Variants in PHACTR4 observed in about 807,000 individuals in gnomAD.
The protein encoded by PHACTR4 is protein phosphatase 1, regulatory subunit 124.
Under a neutral mutation model 72.7 loss-of-function variants are expected in PHACTR4, and 51 were observed. The ratio of observed to expected loss-of-function variants is 0.70; its 90% CI spans 0.56 to 0.89. PHACTR4 has a LOEUF of 0.89. Ranked by LOEUF, PHACTR4 falls within the 40% of genes least tolerant of loss-of-function variation. The pLI is 0.00. For synonymous variants in PHACTR4, 255 were observed against 302.5 expected, an observed-to-expected ratio of 0.84 and a Z score of 1.63; for missense variants, 731 against 861.8, an observed-to-expected ratio of 0.85 and a Z score of 1.90.
intron 2 of PHACTR4, among the ~76,000 whole-genome samples, chr1:28,418,315 A>G (rs192764365): frequency 6.7e-6 from 1 of 149,492 alleles, no homozygotes; most frequent in African/African-American, 2.5e-5. Flanking sequence ...ATACAAAAAA[A>G]AAAAATAATA....
chr1:28,481,875 G>A (rs564102172), intron 9 of PHACTR4, among the ~76,000 whole-genome samples: 6 of 151,906 alleles, frequency 3.9e-5, no homozygotes, highest in Admixed American at 2.6e-4. Context: ...AATTGAAGAT[G>A]TAGCTGCCTG....
At chr1:28,395,276 A>G (rs1382753576) in intron 1 of PHACTR4, among the ~76,000 whole-genome samples, 1 of 152,148 alleles carries the variant, frequency 6.6e-6, no homozygotes, top group Non-Finnish European at 1.5e-5. Flanking sequence ...TAACGATGCC[A>G]GAAATATATA....
chr1:28,384,543 T>A (rs1355874363), intron 1 of PHACTR4, among the ~76,000 whole-genome samples: 2 of 152,186 alleles, frequency 1.3e-5, no homozygotes, highest in African/African-American at 4.8e-5. Flanking sequence ...TATATTTGAA[T>A]CTTCTCTCTT....
intron 2 of PHACTR4, chr1:28,454,084 T>A (rs1395147939): frequency 3.5e-6 from 1 of 286,060 alleles, no homozygotes; most frequent in Non-Finnish European, 6.7e-6. Context: ...ATTAGCCAGG[T>A]GTAGTGGCAC....
chr1:28,442,193 G>A (rs992195993), intron 2 of PHACTR4, among the ~76,000 whole-genome samples: 1 of 151,566 alleles, frequency 6.6e-6, no homozygotes, highest in Non-Finnish European at 1.5e-5. Flanking sequence ...TTGGCTGGGC[G>A]CAGTGTCTCA....
intron 2 of PHACTR4, among the ~76,000 whole-genome samples, chr1:28,444,615 T>TTTA (rs1309858659): frequency 6.6e-6 from 1 of 150,592 alleles, no homozygotes; most frequent in Non-Finnish European, 1.5e-5. Flanking sequence ...TTTTTTTATT[T>TTTA]TTATTATTAT....
chr1:28,387,111 A>G (rs1652616472), intron 1 of PHACTR4, among the ~76,000 whole-genome samples: 1 of 152,066 alleles, frequency 6.6e-6, no homozygotes, highest in Admixed American at 6.6e-5. Context: ...AAATACAAAA[A>G]TTAGCTGGGC....
At chr1:28,400,996 TC>T (rs1653905079) in intron 1 of PHACTR4, among the ~76,000 whole-genome samples, 1 of 152,170 alleles carries the variant, frequency 6.6e-6, no homozygotes. Flanking sequence ...TGTCTGGAGT[TC>T]TGGTTTTTTC....
At chr1:28,400,897 GA>G (rs1450675847) in intron 1 of PHACTR4, among the ~76,000 whole-genome samples, 1 of 152,100 alleles carries the variant, frequency 6.6e-6, no homozygotes, top group Non-Finnish European at 1.5e-5. Context: ...AGGGTTTTAA[GA>G]AGGCAAAGAT....
chr1:28,481,971 T>C (rs1660315030), intron 9 of PHACTR4, among the ~76,000 whole-genome samples: 1 of 151,918 alleles, frequency 6.6e-6, no homozygotes, highest in Admixed American at 6.6e-5. Context: ...AATCTCGGCT[T>C]ACTGCAACCT....
chr1:28,418,184 G>A (rs547452070), intron 2 of PHACTR4, among the ~76,000 whole-genome samples: 56 of 151,966 alleles, frequency 3.7e-4, no homozygotes, highest in African/African-American at 1.3e-3. Context: ...ACATTTGTCC[G>A]GCTGGGTGTG....
intron 2 of PHACTR4, among the ~76,000 whole-genome samples, chr1:28,419,356 A>C (rs1655349849): frequency 6.6e-6 from 1 of 152,100 alleles, no homozygotes; most frequent in South Asian, 2.1e-4. Flanking sequence ...GATTTATTGC[A>C]ATATCTAAGG....
intron 1 of PHACTR4, among the ~76,000 whole-genome samples, chr1:28,406,558 G>C (rs11809444): frequency 6.6e-6 from 1 of 152,038 alleles, no homozygotes. Flanking sequence ...TTGCTAGTAC[G>C]AGTAGCCCAT....
rs995110188 is a variant in PHACTR4, at chr1:28,370,623, A to C, written c.-39+798A>C. ...CACTGATTGCTTGCAAAAAAAAAAA[A>C]CCCTCCAGTGCTTCATTCGGACACT... On this transcript the variant is annotated intron_variant, in intron 1 of 13. Coordinates refer to ENST00000373839, the MANE Select transcript of PHACTR4 (RefSeq NM_001048183.3). Among the ~76,000 whole-genome samples the C allele has an allele frequency of 1.3e-5, 2 of 151,122 alleles. 1 individual carries two copies. Among genetic ancestry groups the C allele is most frequent in the Admixed American group, 1.3e-4 (2 of 15,146 alleles).
intron 13 of PHACTR4, among the ~76,000 whole-genome samples, chr1:28,496,074 TGA>T: frequency 7.1e-6 from 1 of 139,924 alleles, no homozygotes; most frequent in East Asian, 2.0e-4. Context: ...TTTTTTTTTT[TGA>T]GACGGAGTCT....
At chr1:28,381,304 T>TC (rs990586452) in intron 1 of PHACTR4, among the ~76,000 whole-genome samples, 1 of 38,066 alleles carries the variant, frequency 2.6e-5, no homozygotes, top group African/African-American at 2.2e-4. Context: ...CGCCTGGCCT[T>TC]TTTTTTTTTT....
chr1:28,470,058 CAA>C (rs138242663), intron 6 of PHACTR4, among the ~76,000 whole-genome samples: 10 of 139,204 alleles, frequency 7.2e-5, no homozygotes, highest in African/African-American at 1.6e-4. Context: ...GACTCTGTCT[CAA>C]AAAAAAAAAA....
At chr1:28,419,847 G>A (rs1018787782) in intron 2 of PHACTR4, among the ~76,000 whole-genome samples, 1 of 152,116 alleles carries the variant, frequency 6.6e-6, no homozygotes, top group African/African-American at 2.4e-5. Context: ...AGTAAAACTT[G>A]TTAGATAAAG....
intron 1 of PHACTR4, among the ~76,000 whole-genome samples, chr1:28,379,035 C>G (rs1651925327): frequency 6.6e-6 from 1 of 152,126 alleles, no homozygotes; most frequent in Non-Finnish European, 1.5e-5. Flanking sequence ...TCACTGCAGC[C>G]TCAACTCCCC....
Sources: gnomAD v4.1 joint callset for allele counts (sites outside exome capture counted in the v4.1 genomes callset) on GRCh38, gnomAD v4.1.1 for gene constraint, MANE v1.5 for transcripts, NCBI Gene and HGNC (gene_info 2026-07-23, HGNC 2026-07-21) for gene names.